ANO4: variants seen among roughly 807,000 people sequenced by gnomAD.
ANO4 encodes anoctamin-4.
Under a neutral mutation model 141.9 loss-of-function variants are expected in ANO4, and 69 were observed. The ratio of observed to expected loss-of-function variants is 0.49; its 90% CI spans 0.40 to 0.59. The LOEUF is 0.59. ANO4 is among the 20% of genes least tolerant of loss of function. The pLI, the probability that ANO4 is intolerant of heterozygous loss-of-function variation, is 0.00. For synonymous variants in ANO4, 350 were observed against 394.3 expected, an observed-to-expected ratio of 0.89 and a Z score of 1.33; for missense variants, 894 against 1,162.2, an observed-to-expected ratio of 0.77 and a Z score of 3.36.
intron 6 of ANO4, among the ~76,000 whole-genome samples, chr12:100,974,599 TA>T (rs201248777): frequency 2.3e-3 from 346 of 151,522 alleles, no homozygotes; most frequent in Middle Eastern, 6.8e-3. Context: ...GAGCAACCAT[TA>T]AAAAAAAATT....
intron 1 of ANO4, among the ~76,000 whole-genome samples, chr12:100,853,423 T>C (rs1472101441): frequency 6.6e-6 from 1 of 152,188 alleles, no homozygotes; most frequent in Non-Finnish European, 1.5e-5. Flanking sequence ...TACCTTCATA[T>C]TTATTAAAAA....
Position 101,015,151 on chromosome 12 carries a change from A to G in ANO4, c.735-4883A>G, listed in dbSNP as rs149081618. ...AATTGCAGTTTTTTAAAAAATGTGT[A>G]ATAGTACTTACACATGGTAAAAATT... is the stretch of plus-strand genomic sequence containing the variant. On this transcript the variant is annotated intron_variant, in intron 8 of 27. Transcript: ENST00000392977. Among the ~76,000 whole-genome samples the G allele has an allele frequency of 1.7e-3, 254 of 152,270 alleles. 3 individuals are homozygous for G. In the South Asian group the frequency reaches 0.023, roughly 14 times the overall value.
At chr12:100,878,266 A>G (rs939830740) in intron 1 of ANO4, among the ~76,000 whole-genome samples, 6 of 152,234 alleles carry the variant, frequency 3.9e-5, no homozygotes, top group Non-Finnish European at 8.8e-5. Flanking sequence ...GAAGATACTG[A>G]GAAGATATTG....
At chr12:100,916,684 A>G (rs2041357928) in intron 2 of ANO4, among the ~76,000 whole-genome samples, 2 of 152,210 alleles carry the variant, frequency 1.3e-5, no homozygotes, top group African/African-American at 2.4e-5. Flanking sequence ...GACAAAATAT[A>G]AAGAGCTATG....
At chr12:100,824,724 A>G (rs2036237845) in intron 1 of ANO4, among the ~76,000 whole-genome samples, 1 of 152,066 alleles carries the variant, frequency 6.6e-6, no homozygotes, top group Non-Finnish European at 1.5e-5. Flanking sequence ...TGAAGTACAC[A>G]AAGCTCTGAA....
At chr12:101,039,850 A>G in intron 10 of ANO4, 105 bp from the exon 11 acceptor site, 1 of 1,280,716 alleles carries the variant, frequency 7.8e-7, no homozygotes, top group South Asian at 1.5e-5. Context: ...TCTTTCTCAT[A>G]CCACTCCTAT....
At chr12:100,857,276 A>G (rs1032022058) in intron 1 of ANO4, among the ~76,000 whole-genome samples, 10 of 152,258 alleles carry the variant, frequency 6.6e-5, no homozygotes, top group East Asian at 1.9e-4. Context: ...TAAGTGGACA[A>G]TCTCAAATGT....
chr12:100,729,950 GT>G (rs1335338929), intron 1 of ANO4, among the ~76,000 whole-genome samples: 1 of 152,080 alleles, frequency 6.6e-6, no homozygotes, highest in African/African-American at 2.4e-5. Context: ...CATTCTGCTT[GT>G]TTGTTGATTA....
At chr12:100,881,426 T>C (rs1219226386) in intron 1 of ANO4, among the ~76,000 whole-genome samples, 1 of 139,746 alleles carries the variant, frequency 7.2e-6, no homozygotes, top group African/African-American at 2.9e-5. Context: ...TTTTTATCTT[T>C]AGGAAAAAAA....
intron 2 of ANO4, among the ~76,000 whole-genome samples, chr12:100,912,673 G>A (rs181047049): frequency 6.6e-6 from 1 of 152,330 alleles, no homozygotes; most frequent in Admixed American, 6.5e-5. Flanking sequence ...ACTTTATTGA[G>A]AAGTGTGGCT....
chr12:100,879,684 G>A (rs2039475635), intron 1 of ANO4, among the ~76,000 whole-genome samples: 1 of 152,158 alleles, frequency 6.6e-6, no homozygotes, highest in South Asian at 2.1e-4. Flanking sequence ...AAATGATAGG[G>A]ACATGGTAGG....
At chr12:100,838,702 A>C (rs899224460) in intron 1 of ANO4, among the ~76,000 whole-genome samples, 3 of 152,190 alleles carry the variant, frequency 2.0e-5, no homozygotes, top group African/African-American at 7.2e-5. Context: ...GGGGCCTTCA[A>C]AGGAGTTCGA....
intron 8 of ANO4, among the ~76,000 whole-genome samples, chr12:101,019,466 A>G (rs537730475): frequency 3.9e-5 from 6 of 152,192 alleles, no homozygotes; most frequent in Non-Finnish European, 7.4e-5. Context: ...AGGCAAATCA[A>G]TCTTAAGTGT....
intron 1 of ANO4, among the ~76,000 whole-genome samples, chr12:100,797,525 G>A (rs2034407546): frequency 6.6e-6 from 1 of 152,076 alleles, no homozygotes; most frequent in South Asian, 2.1e-4. Flanking sequence ...GCAACATTTT[G>A]TGTGTATTTA....
intron 1 of ANO4, among the ~76,000 whole-genome samples, chr12:100,881,127 A>T (rs188174760): frequency 6.3e-5 from 9 of 143,368 alleles, no homozygotes; most frequent in African/African-American, 2.1e-4. Flanking sequence ...CACACCAGGG[A>T]CTGTTTTGGG....
At chr12:100,923,980 GGTT>G (rs1179487178) in intron 3 of ANO4, among the ~76,000 whole-genome samples, 2 of 151,806 alleles carry the variant, frequency 1.3e-5, no homozygotes, top group African/African-American at 4.8e-5. Flanking sequence ...TTTTTGATGG[GGTT>G]GTTTGTTTTT....
chr12:100,856,368 G>T (rs1464331270), intron 1 of ANO4, among the ~76,000 whole-genome samples: 1 of 152,154 alleles, frequency 6.6e-6, no homozygotes, highest in Non-Finnish European at 1.5e-5. Flanking sequence ...TTTACACTAG[G>T]AGTGTATCTG....
chr12:100,891,939 C>A (rs756719244), intron 1 of ANO4, among the ~76,000 whole-genome samples: 1 of 152,120 alleles, frequency 6.6e-6, no homozygotes, highest in Non-Finnish European at 1.5e-5. Flanking sequence ...TTTTGGTAAC[C>A]GCCATTCTAC....
chr12:101,104,646 T>TATA (rs2050358362), intron 22 of ANO4, among the ~76,000 whole-genome samples: 1 of 89,818 alleles, frequency 1.1e-5, no homozygotes, highest in Admixed American at 1.1e-4. Context: ...TATATATATA[T>TATA]ATATATATAT....
Sources: gnomAD v4.1 joint callset for allele counts (sites outside exome capture counted in the v4.1 genomes callset) on GRCh38, gnomAD v4.1.1 for gene constraint, MANE v1.5 for transcripts, NCBI Gene and HGNC (gene_info 2026-07-23, HGNC 2026-07-21) for gene names.